The following WRN variants were observed in gnomAD, a reference collection of about 807,000 sequenced individuals.
WRN encodes the protein bifunctional 3'-5' exonuclease/ATP-dependent helicase WRN.
WRN carries 149 observed loss-of-function variants against 180.7 expected under a neutral mutation model. That is an observed-to-expected ratio of 0.82 (90% CI 0.72 to 0.94). The LOEUF is 0.94. WRN is among the 40% of genes least tolerant of loss of function. WRN has a pLI of 0.00. For synonymous variants in WRN, 548 were observed against 568.9 expected (o/e 0.96, Z 0.52); for missense variants, 1,661 against 1,700.1 (o/e 0.98, Z 0.40).
At chr8:31,034,959 A>G (rs767061927) in intron 1 of WRN, among the ~76,000 whole-genome samples, 1 of 152,348 alleles carries the variant, frequency 6.6e-6, no homozygotes, top group Non-Finnish European at 1.5e-5. Flanking sequence ...TATCCAGCTC[A>G]GACCGGGAGT....
rs559805368 is a variant in WRN, at chr8:31,166,713, G to C, written c.3983-309G>C. 4.6e-5 allele frequency among the ~76,000 whole-genome samples: 7 copies of C among 152,204 alleles called. No homozygotes were observed. In the East Asian group the frequency reaches 1.2e-3, roughly 25 times the overall value. ...GGAATTGGAAGCACAATTTCCTTTAGAACAATTCCACGAATGGTTGTTTTG... is the reference window on the plus strand; with the variant it reads ...GGAATTGGAAGCACAATTTCCTTTACAACAATTCCACGAATGGTTGTTTTG... On this transcript the variant is annotated intron_variant, in intron 33 of 34. Coordinates refer to ENST00000298139, the MANE Select transcript of WRN (RefSeq NM_000553.6).
intron 31 of WRN, among the ~76,000 whole-genome samples, chr8:31,153,125 T>A (rs1585531477): frequency 6.6e-6 from 1 of 152,306 alleles, no homozygotes; most frequent in East Asian, 1.9e-4. Context: ...CAGAACATAC[T>A]GGTTGGGGCA....
intron 14 of WRN, 145 bp from the exon 15 acceptor site, chr8:31,090,689 G>C (rs1044384803): frequency 1.9e-6 from 2 of 1,032,470 alleles, no homozygotes; most frequent in Non-Finnish European, 1.4e-6. Context: ...TCAGATTTAT[G>C]TATCAATTAG....
chr8:31,121,415 A>G (rs998241192), intron 21 of WRN, among the ~76,000 whole-genome samples: 8 of 152,002 alleles, frequency 5.3e-5, no homozygotes, highest in African/African-American at 1.9e-4. Flanking sequence ...TATAGTAGTA[A>G]AGAAAAGCAA....
In WRN at chr8:31,159,556, A is replaced by G. The variant is rs774193183; in HGVS notation, c.3982+2026A>G. On this transcript the variant is annotated intron_variant, in intron 33 of 34. Coordinates refer to ENST00000298139, the MANE Select transcript of WRN (RefSeq NM_000553.6). ...AATTTAAAAAAATTATAATAAAATC[A>G]GAAAATAAAGGTCTGAGATGGAAAA... 1.7e-4 allele frequency among the ~76,000 whole-genome samples: 26 copies of G among 152,240 alleles called. No homozygotes were observed. In the Middle Eastern group the frequency reaches 0.01, roughly 60 times the overall value.
At chr8:31,064,020 C>A (rs1260374369) in intron 3 of WRN, among the ~76,000 whole-genome samples, 1 of 152,132 alleles carries the variant, frequency 6.6e-6, no homozygotes, top group Non-Finnish European at 1.5e-5. Context: ...CCATACCTGG[C>A]CATATCTTTT....
intron 1 of WRN, among the ~76,000 whole-genome samples, chr8:31,045,201 TTTTA>T (rs1434114975): frequency 6.6e-6 from 1 of 152,140 alleles, no homozygotes; most frequent in Admixed American, 6.5e-5. Flanking sequence ...ACATGGCAAG[TTTTA>T]TTTATTTATT....
At chr8:31,071,664 T>C (rs1812917913) in intron 7 of WRN, among the ~76,000 whole-genome samples, 2 of 152,112 alleles carry the variant, frequency 1.3e-5, no homozygotes, top group Non-Finnish European at 2.9e-5. Context: ...GTGTGTTTAG[T>C]GGAGATGTGG....
intron 7 of WRN, among the ~76,000 whole-genome samples, chr8:31,070,923 G>A (rs1812890283): frequency 6.6e-6 from 1 of 151,958 alleles, no homozygotes; most frequent in Non-Finnish European, 1.5e-5. Context: ...ACGGGCACCT[G>A]TAATCCCAGC....
At chr8:31,130,012 AAACAAAACAAAAC>A (rs1802088839) in intron 23 of WRN, among the ~76,000 whole-genome samples, 1 of 117,072 alleles carries the variant, frequency 8.5e-6, no homozygotes, top group African/African-American at 3.4e-5. Flanking sequence ...CTCAAAAAAA[AAACAAAACAAAAC>A]AAAAAAAAAA....
intron 23 of WRN, 58 bp downstream of exon 23, chr8:31,125,058 A>C (rs1801866664): frequency 2.7e-6 from 4 of 1,508,356 alleles, no homozygotes; most frequent in Non-Finnish European, 3.7e-6. Context: ...CTTCCTTTTC[A>C]TGTTTAACTG....
At position 31,167,080 on chromosome 8, in the gene WRN, T is replaced by C; in HGVS notation, c.4041T>C (p.Leu1347=). The change falls in exon 34 of 35, where the codon CTT becomes CTC. Residue 1347 remains leucine (L), a synonymous_variant. Transcript: ENST00000298139. The part of the protein sequence containing the change: ...MLVPENIDTY[L]IHMAIEILKH... ...TTCCTGAAAACATTGACACGTACCT[T>C]ATCCACATGGCAATTGAGATCCTTA... The C allele has an allele frequency of 6.2e-7, 1 of 1,613,418 alleles. No homozygotes were observed. The highest frequency in any genetic ancestry group is 8.5e-7 in the Non-Finnish European group (1 of 1,179,516).
intron 3 of WRN, among the ~76,000 whole-genome samples, chr8:31,061,881 A>G (rs754888927): frequency 1.6e-4 from 25 of 152,114 alleles, no homozygotes; most frequent in Admixed American, 4.6e-4. Context: ...GTTTTAGTCT[A>G]TGCATGCTTG....
At chr8:31,067,222 A>G in intron 6 of WRN, 40 bp downstream of exon 6, 1 of 1,609,384 alleles carries the variant, frequency 6.2e-7, no homozygotes, top group Non-Finnish European at 8.5e-7. Flanking sequence ...GATGTGTTTT[A>G]AAAACATTAT....
At chr8:31,044,583 T>C (rs2472043) in intron 1 of WRN, among the ~76,000 whole-genome samples, 118,759 of 151,830 alleles carry the variant, frequency 0.78, 46,660 homozygotes, top group East Asian at 0.9. Context: ...TCTCGAACTC[T>C]TGACTACGTG....
intron 18 of WRN, among the ~76,000 whole-genome samples, 198 bp from the exon 19 acceptor site, chr8:31,111,417 A>G (rs1034793904): frequency 6.6e-6 from 1 of 152,212 alleles, no homozygotes; most frequent in African/African-American, 2.4e-5. Context: ...TCTGATTTTT[A>G]AAAAGTAAAT....
intron 33 of WRN, among the ~76,000 whole-genome samples, chr8:31,158,925 A>G (rs1442873419): frequency 2.0e-5 from 3 of 152,110 alleles, no homozygotes; most frequent in African/African-American, 7.2e-5. Context: ...AGTTATGTCA[A>G]TGTCATGTTT....
intron 31 of WRN, among the ~76,000 whole-genome samples, chr8:31,153,756 A>G (rs1803240243): frequency 1.3e-5 from 2 of 152,238 alleles, no homozygotes; most frequent in African/African-American, 4.8e-5. Context: ...TCAACTAATA[A>G]ATTTCTTAAA....
Position 31,157,431 on chromosome 8 carries a change from G to A in WRN, c.3883G>A (p.Val1295Met). 6.2e-7 allele frequency: 1 copy of A among 1,614,106 alleles called. No individual in the cohort carries two copies. The highest frequency in any genetic ancestry group is 2.2e-5 in the East Asian group (1 of 44,868). ...AATTGGCATGCACTTATCCCAAGCG[G>A]TGAAAGCTGGCTGCCCCCTTGATTT... ...MTIGMHLSQA[V>M]KAGCPLDLER... is the part of the protein sequence containing the mutation. Residue 1295 changes from valine (V) to methionine (M), a missense_variant, in exon 33 of 35, where the codon GTG becomes ATG. Val to Met is a conservative substitution (Grantham distance 21, BLOSUM62 1). Coordinates refer to ENST00000298139, the MANE Select transcript of WRN (RefSeq NM_000553.6).
Sources: gnomAD v4.1 joint callset for allele counts (sites outside exome capture counted in the v4.1 genomes callset) on GRCh38, gnomAD v4.1.1 for gene constraint, MANE v1.5 for transcripts, NCBI Gene and HGNC (gene_info 2026-07-23, HGNC 2026-07-21) for gene names.